KIAA1217: variants seen among roughly 807,000 people sequenced by gnomAD.
KIAA1217 encodes KIAA1217, also known as sickle tail protein homolog.
KIAA1217 carries 88 observed loss-of-function variants against 163.9 expected under a neutral mutation model. That is an observed-to-expected ratio of 0.54 (90% confidence interval 0.45 to 0.64). The LOEUF is 0.64. Ranked by LOEUF, KIAA1217 falls within the 30% of genes least tolerant of loss-of-function variation. The pLI, the probability that KIAA1217 is intolerant of heterozygous loss-of-function variation, is 0.00. For missense variants in KIAA1217, 2,372 were observed against 2,475.0 expected (o/e 0.96, Z 0.88); for synonymous variants, 903 against 923.1 (o/e 0.98, Z 0.39).
intron 2 of KIAA1217, among the ~76,000 whole-genome samples, chr10:24,191,838 C>T (rs1315366927): frequency 6.6e-6 from 1 of 152,202 alleles, no homozygotes; most frequent in South Asian, 2.1e-4. Context: ...ACTGCAACCT[C>T]CACCTCCCAG....
At chr10:23,796,144 G>C (rs1034862406) in intron 1 of KIAA1217, among the ~76,000 whole-genome samples, 16 of 152,102 alleles carry the variant, frequency 1.1e-4, no homozygotes, top group African/African-American at 3.9e-4. Context: ...GCCATGCAAA[G>C]ATTTTAGCTT....
At chr10:24,456,894 G>A (rs144331005) in intron 5 of KIAA1217, among the ~76,000 whole-genome samples, 1 of 151,766 alleles carries the variant, frequency 6.6e-6, no homozygotes, top group African/African-American at 2.4e-5. Context: ...GTAGAGTCAG[G>A]TTTCACCACG....
In KIAA1217 at chr10:24,219,856, T is replaced by G; in HGVS notation, c.301T>G (p.Tyr101Asp). 1 of 1,613,398 alleles carries G rather than the reference T, an allele frequency of 6.2e-7. No individual in the cohort carries two copies. Among genetic ancestry groups the G allele is most frequent in the Non-Finnish European group, 8.5e-7 (1 of 1,179,646 alleles). The change falls in exon 2 of 21, where the codon TAC becomes GAC. Residue 101 changes from tyrosine to aspartate, a missense_variant. By Grantham distance (160) the Tyr-to-Asp change is radical. This residue lies in a region of KIAA1217 where 1,431 missense variants were observed against 1,470.3 expected (regional missense o/e 0.97). Coordinates refer to ENST00000376454, the MANE Select transcript of KIAA1217 (RefSeq NM_019590.5). ...GTTCCTAGAACATCTGAAGCAGAAG[T>G]ACCCCCACCACGCCTCTGCAATCAT... ...EAFLEHLKQK[Y>D]PHHASAIMGH...
intron 2 of KIAA1217, among the ~76,000 whole-genome samples, chr10:24,076,816 G>GA (rs1304028655): frequency 6.6e-6 from 1 of 151,298 alleles, no homozygotes; most frequent in Non-Finnish European, 1.5e-5. Flanking sequence ...TGTTTTAAAA[G>GA]AAAAAGATGC....
intron 1 of KIAA1217, among the ~76,000 whole-genome samples, chr10:23,991,422 G>C (rs972444492): frequency 4.6e-5 from 7 of 152,138 alleles, no homozygotes; most frequent in African/African-American, 1.7e-4. Flanking sequence ...TACAAGCCAA[G>C]GTCCTGAAGG....
intron 1 of KIAA1217, among the ~76,000 whole-genome samples, chr10:23,810,022 T>C (rs1836920809): frequency 6.6e-6 from 1 of 151,982 alleles, no homozygotes; most frequent in Non-Finnish European, 1.5e-5. Context: ...TAAAATCAGC[T>C]TTATGTTAGA....
Position 23,695,565 on chromosome 10 carries a change from G to A in KIAA1217, c.-321+331G>A, listed in dbSNP as rs1174111393. Reference sequence around the variant, plus strand: ...TCACACCTATCCTGGTGACCTTGGCGTGCCCCCCTGGAGTGGCGAGCCAGG... The same window carrying A: ...TCACACCTATCCTGGTGACCTTGGCATGCCCCCCTGGAGTGGCGAGCCAGG... On this transcript the variant is annotated intron_variant, in intron 1 of 18. Coordinates refer to the KIAA1217 transcript ENST00000376462. The surrounding 1 kb of genome is among the most constrained non-coding windows in gnomAD (Gnocchi z 4.9). 3.3e-5 allele frequency among the ~76,000 whole-genome samples: 5 copies of A among 152,168 alleles called. No homozygotes were observed. The highest frequency in any genetic ancestry group is 2.0e-4 in the Admixed American group (3 of 15,290).
At chr10:23,817,126 T>C (rs932219890) in intron 1 of KIAA1217, among the ~76,000 whole-genome samples, 1 of 152,146 alleles carries the variant, frequency 6.6e-6, no homozygotes, top group East Asian at 1.9e-4. Context: ...ACTCTAAGAG[T>C]ATTATATAAT....
chr10:24,171,361 T>A (rs911754516), intron 2 of KIAA1217, among the ~76,000 whole-genome samples: 3 of 152,240 alleles, frequency 2.0e-5, no homozygotes, highest in African/African-American at 7.2e-5. Flanking sequence ...TCCATTAGTC[T>A]AGATATTTAC....
intron 1 of KIAA1217, among the ~76,000 whole-genome samples, chr10:23,993,981 T>A (rs1474138772): frequency 2.0e-5 from 3 of 152,116 alleles, no homozygotes; most frequent in Non-Finnish European, 4.4e-5. Flanking sequence ...AGAGAAACTG[T>A]CCTGAGGTTA....
intron 1 of KIAA1217, among the ~76,000 whole-genome samples, chr10:24,218,549 C>T (rs978421617): frequency 9.3e-5 from 14 of 151,346 alleles, no homozygotes; most frequent in African/African-American, 2.7e-4. Context: ...AGTGCAGTGG[C>T]GTGATCTCGG....
intron 1 of KIAA1217, among the ~76,000 whole-genome samples, chr10:23,712,182 A>G (rs916980274): frequency 6.6e-6 from 1 of 152,116 alleles, no homozygotes; most frequent in Admixed American, 6.5e-5. Context: ...AGAGGTGAAG[A>G]GAAAATTATG....
chr10:24,036,643 C>T (rs1253682817), intron 2 of KIAA1217, among the ~76,000 whole-genome samples: 5 of 152,116 alleles, frequency 3.3e-5, no homozygotes, highest in African/African-American at 1.2e-4. Flanking sequence ...GAAGGGGAGC[C>T]AGCAAGTGAC....
chr10:24,230,243 C>T (rs1352897727), intron 2 of KIAA1217, among the ~76,000 whole-genome samples: 1 of 152,020 alleles, frequency 6.6e-6, no homozygotes, highest in Non-Finnish European at 1.5e-5. Context: ...ATGCTTGGGA[C>T]CAGAAATATT....
In KIAA1217 at chr10:24,428,794, G is replaced by C. The variant is rs138545817; in HGVS notation, c.554-4201G>C. On this transcript the variant is annotated intron_variant, in intron 3 of 20. Transcript: ENST00000376454. ...TTGAAGCCAGTAGTTTGAGGCTGCA[G>C]TGAGCTATGATCATACCACTGCACT... is the stretch of plus-strand genomic sequence containing the variant. Among the ~76,000 whole-genome samples the C allele has an allele frequency of 1.1e-4, 16 of 151,018 alleles. No homozygotes were observed. In the East Asian group the frequency reaches 3.1e-3, roughly 29 times the overall value.
At chr10:23,930,491 G>T (rs939868042) in intron 1 of KIAA1217, among the ~76,000 whole-genome samples, 1 of 152,182 alleles carries the variant, frequency 6.6e-6, no homozygotes, top group African/African-American at 2.4e-5. Flanking sequence ...CAACTCGGCA[G>T]CAGACATTTT....
chr10:24,317,940 G>A (rs566426859), intron 2 of KIAA1217, among the ~76,000 whole-genome samples: 1 of 152,296 alleles, frequency 6.6e-6, no homozygotes, highest in East Asian at 1.9e-4. Flanking sequence ...AGGGCATGGG[G>A]CCTAGATATT....
intron 1 of KIAA1217, among the ~76,000 whole-genome samples, chr10:23,803,683 A>G (rs984040059): frequency 6.6e-6 from 1 of 152,184 alleles, no homozygotes; most frequent in African/African-American, 2.4e-5. Flanking sequence ...TTTATGATGT[A>G]CTTTTCTCAA....
At chr10:24,123,250 A>G (rs1164250366) in intron 2 of KIAA1217, among the ~76,000 whole-genome samples, 3 of 152,128 alleles carry the variant, frequency 2.0e-5, no homozygotes, top group Non-Finnish European at 4.4e-5. Context: ...TACATAAAGC[A>G]TAGTCCATAT....
Sources: gnomAD v4.1 joint callset for allele counts (sites outside exome capture counted in the v4.1 genomes callset) on GRCh38, gnomAD v4.1.1 for gene constraint, gnomAD v4.1.1 regional missense constraint, Gnocchi (gnomAD v3.1) non-coding constraint, MANE v1.5 for transcripts, NCBI Gene and HGNC (gene_info 2026-07-23, HGNC 2026-07-21) for gene names.